Variants in ELFN1 observed in about 807,000 individuals in gnomAD.
ELFN1 encodes the protein extracellular leucine rich repeat and fibronectin type III domain containing 1.
In ELFN1, 6 loss-of-function variants were observed where a neutral mutation model predicts 7.6. The ratio of observed to expected loss-of-function variants is 0.79; its 90% CI spans 0.43 to 1.56. The LOEUF (loss-of-function observed/expected upper bound fraction) is 1.56. ELFN1 is among the 40% of genes most tolerant of loss of function. ELFN1 has a pLI of 0.01. For synonymous variants in ELFN1, 657 were observed against 588.1 expected (o/e 1.12, Z -1.70); for missense variants, 1,169 against 1,232.2 (o/e 0.95, Z 0.77).
At chr7:1,698,772 T>A (rs953765957) in intron 2 of ELFN1, among the ~76,000 whole-genome samples, 1 of 152,218 alleles carries the variant, frequency 6.6e-6, no homozygotes, top group African/African-American at 2.4e-5. Flanking sequence ...AGGGTTGATA[T>A]CACTCTTAAA....
chr7:1,675,171 C>T (rs1778844917), intron 1 of ELFN1, among the ~76,000 whole-genome samples: 2 of 152,200 alleles, frequency 1.3e-5, no homozygotes. Flanking sequence ...CTGTGGCCCA[C>T]TACCCCCTCT....
chr7:1,683,431 C>A (rs1779009545), intron 1 of ELFN1, among the ~76,000 whole-genome samples: 2 of 152,168 alleles, frequency 1.3e-5, no homozygotes, highest in African/African-American at 4.8e-5. Flanking sequence ...AATTTGTTCA[C>A]TTCATCTAAA....
At chr7:1,719,083 C>G (rs10229636) in intron 3 of ELFN1, among the ~76,000 whole-genome samples, 2,465 of 150,414 alleles carry the variant, frequency 0.016, 36 homozygotes, top group African/African-American at 0.059. Context: ...TCTCCACCCC[C>G]AGGGGTTACC....
At position 1,744,951 on chromosome 7, in the gene ELFN1, C is replaced by T. The variant is rs1780733093; in HGVS notation, c.355C>T (p.Arg119Trp). 1.9e-6 allele frequency: 3 copies of T among 1,551,522 alleles called. No homozygotes were observed. Among genetic ancestry groups the T allele is most frequent in the Non-Finnish European group, 2.6e-6 (3 of 1,147,090 alleles). Reference protein sequence around the residue: ...NLQVLQLGYNRLRNLTEGMLR... With the variant: ...NLQVLQLGYNWLRNLTEGMLR... Reference sequence around the variant, plus strand: ...GCAGGTGCTGCAGCTGGGCTACAACCGGCTGCGCAACCTCACGGAGGGCAT... The same window carrying T: ...GCAGGTGCTGCAGCTGGGCTACAACTGGCTGCGCAACCTCACGGAGGGCAT... Residue 119 changes from arginine (R) to tryptophan (W), a missense_variant, in exon 4 of 4, where the codon CGG (arginine) becomes TGG (tryptophan). Coordinates refer to ENST00000424383, the MANE Select transcript of ELFN1 (RefSeq NM_001128636.4).
In ELFN1 at chr7:1,696,175, A is replaced by AGTGTGTGTGT. The variant is rs140207256; in HGVS notation, c.-456+8035_-456+8044dup. Among the ~76,000 whole-genome samples, 328 of 148,082 alleles carry AGTGTGTGTGT rather than the reference A, an allele frequency of 2.2e-3. 1 individual carries two copies. The highest frequency in any genetic ancestry group is 7.5e-3 in the African/African-American group (303 of 40,360). ...CCTCCCAAGACAGAGAGAGAGAGAGAGTGTGTGTGTGTGTGTGTGCGTGTG... is the reference window on the plus strand; with the variant it reads ...CCTCCCAAGACAGAGAGAGAGAGAGAGTGTGTGTGTGTGTGTGTGTGTGTGTGTGCGTGTG... On this transcript the variant is annotated intron_variant, in intron 2 of 3. Transcript: ENST00000424383.
chr7:1,671,464 T>C (rs1778765986), intron 1 of ELFN1, among the ~76,000 whole-genome samples: 2 of 152,304 alleles, frequency 1.3e-5, no homozygotes, highest in African/African-American at 4.8e-5. Flanking sequence ...TGCCGCTCAT[T>C]CCCTCGATTG....
intron 2 of ELFN1, among the ~76,000 whole-genome samples, chr7:1,691,241 C>G (rs1779156542): frequency 6.6e-6 from 1 of 152,168 alleles, no homozygotes; most frequent in Admixed American, 6.5e-5. Context: ...CCAGGGGCCT[C>G]CGGGATGCCG....
chr7:1,701,301 T>A (rs1448325727), intron 2 of ELFN1, among the ~76,000 whole-genome samples: 1 of 152,132 alleles, frequency 6.6e-6, no homozygotes, highest in Non-Finnish European at 1.5e-5. Context: ...TCCTCCCACC[T>A]CAGCCTCCAG....
chr7:1,712,259 C>T (rs1779678939), intron 3 of ELFN1, among the ~76,000 whole-genome samples: 1 of 152,120 alleles, frequency 6.6e-6, no homozygotes, highest in Non-Finnish European at 1.5e-5. Flanking sequence ...GTAGCTGGGA[C>T]TACAGGCACC....
At chr7:1,727,585 A>G (rs184434944) in intron 3 of ELFN1, among the ~76,000 whole-genome samples, 1 of 151,364 alleles carries the variant, frequency 6.6e-6, no homozygotes, top group East Asian at 2.0e-4. Context: ...CGAGGACTCC[A>G]CTCCCTTCCA....
chr7:1,719,212 C>T (rs918760575), intron 3 of ELFN1, among the ~76,000 whole-genome samples: 2 of 147,320 alleles, frequency 1.4e-5, no homozygotes, highest in African/African-American at 5.2e-5. Flanking sequence ...AACAGGGCCC[C>T]GCCCACCAAC....
intron 3 of ELFN1, among the ~76,000 whole-genome samples, chr7:1,743,758 G>A (rs985360197): frequency 6.6e-6 from 1 of 152,198 alleles, no homozygotes; most frequent in Non-Finnish European, 1.5e-5. Flanking sequence ...CCTACAGGCG[G>A]CTCCAGGGGC....
intron 3 of ELFN1, among the ~76,000 whole-genome samples, chr7:1,714,556 C>T (rs767566696): frequency 5.3e-5 from 8 of 152,210 alleles, no homozygotes; most frequent in Non-Finnish European, 1.0e-4. Context: ...AAAATAAATT[C>T]AGTGGAAACA....
Position 1,745,007 on chromosome 7 carries a change from G to A in ELFN1, c.411G>A (p.Leu137=), listed in dbSNP as rs2128605855. 1.3e-6 allele frequency: 2 copies of A among 1,551,114 alleles called. No individual in the cohort carries two copies. The highest frequency in any genetic ancestry group is 1.7e-6 in the Non-Finnish European group (2 of 1,146,986). The change falls in exon 4 of 4, where the codon CTG becomes CTA. Residue 137 remains leucine (L), a synonymous_variant. Transcript: ENST00000424383. ...GCGGCCTGGGCAAGCTGGAGTACCT[G>A]TACCTGCAGGCCAACCTCATCGAGG... ...MLRGLGKLEY[L]YLQANLIEVV...
rs1399201383 is a variant in ELFN1, at chr7:1,705,256, G to T, written c.-455-3835G>T. On this transcript the variant is annotated intron_variant, in intron 2 of 3. Coordinates refer to ENST00000424383, the MANE Select transcript of ELFN1 (RefSeq NM_001128636.4). This position sits in a 1 kb window ranked among gnomAD's most constrained non-coding sequence, Gnocchi z 4.3. ...GAGGCTGGGCTGCTGGCATCAGCAG[G>T]CGCCCCTCCTCCCCACCTCGCTAAA... Among the ~76,000 whole-genome samples the T allele has an allele frequency of 6.6e-6, 1 of 152,108 alleles. No individual in the cohort carries two copies. The highest frequency in any genetic ancestry group is 1.9e-4 in the East Asian group (1 of 5,174).
chr7:1,745,680 G>A lies in ELFN1; in HGVS notation c.1084G>A (p.Ala362Thr). The A allele has an allele frequency of 6.4e-7, 1 of 1,551,368 alleles. No individual in the cohort carries two copies. Among genetic ancestry groups the A allele is most frequent in the South Asian group, 1.2e-5 (1 of 84,058 alleles). The change falls in exon 4 of 4, where the codon GCC becomes ACC. Residue 362 changes from alanine to threonine, a missense_variant. Around this residue, in one of 2 missense-constraint regions of ELFN1, gnomAD observed 914 missense variants for 872.6 expected, o/e 1.05. Transcript: ENST00000424383. ...CTCCACCGTGTCCAGGCTGACCAAG[G>A]CCCAGGAGGAGATCCGTCTGACCAA... Reference protein sequence around the residue: ...KASTVSRLTKAQEEIRLTNLF... With the variant: ...KASTVSRLTKTQEEIRLTNLF...
At chr7:1,720,149 C>A (rs1273908553) in intron 3 of ELFN1, among the ~76,000 whole-genome samples, 1 of 152,242 alleles carries the variant, frequency 6.6e-6, no homozygotes, top group Non-Finnish European at 1.5e-5. Context: ...ATGTCCCAGC[C>A]AGACACCTCT....
chr7:1,669,088 G>C (rs975986807), upstream of ELFN1, among the ~76,000 whole-genome samples: 2 of 152,228 alleles, frequency 1.3e-5, no homozygotes. Flanking sequence ...CTGGCTCCTG[G>C]AGAACCCTAG....
At chr7:1,677,922 TCAGGC>T (rs1207692431) in intron 1 of ELFN1, among the ~76,000 whole-genome samples, 2 of 151,302 alleles carry the variant, frequency 1.3e-5, no homozygotes, top group Non-Finnish European at 2.9e-5. Context: ...AGGAAGAGAG[TCAGGC>T]CCCTGAGGTG....
Sources: allele counts gnomAD v4.1 joint callset (sites outside exome capture counted in the v4.1 genomes callset), GRCh38; gene constraint gnomAD v4.1.1; regional missense constraint gnomAD v4.1.1; non-coding constraint Gnocchi (gnomAD v3.1); transcripts MANE v1.5; gene names NCBI Gene and HGNC (gene_info 2026-07-23, HGNC 2026-07-21).